Variants in SERPINB8 observed in about 807,000 individuals in gnomAD.
SERPINB8 encodes serpin family B member 8.
A neutral mutation model predicts 35.3 loss-of-function variants in SERPINB8; 25 were observed. The ratio of observed to expected loss-of-function variants is 0.71; its 90% CI spans 0.52 to 0.99. SERPINB8 has a LOEUF of 0.99. SERPINB8 is among the 50% of genes least tolerant of loss of function. SERPINB8 has a pLI of 0.00. For missense variants in SERPINB8, 484 were observed against 446.5 expected, an observed-to-expected ratio of 1.08 and a Z score of -0.76; for synonymous variants, 186 against 160.8, an observed-to-expected ratio of 1.16 and a Z score of -1.19.
chr18:64,007,158 G>T (rs9966132), downstream of SERPINB8, among the ~76,000 whole-genome samples: 29,537 of 151,798 alleles, frequency 0.19, 3,186 homozygotes, highest in Middle Eastern at 0.36. Context: ...TATAGATGCA[G>T]CAGAGATTAC....
At chr18:63,981,675 G>A (rs757101719) in intron 3 of SERPINB8, 46 bp from the exon 4 acceptor site, 2 of 1,319,472 alleles carry the variant, frequency 1.5e-6, no homozygotes, top group South Asian at 1.2e-5. Flanking sequence ...TGCATTTGTG[G>A]GAACCTTTAC....
At chr18:63,990,161 C>T (rs867354612), downstream of SERPINB8, among the ~76,000 whole-genome samples, 12 of 149,614 alleles carry the variant, frequency 8.0e-5, no homozygotes, top group Middle Eastern at 3.5e-3. Context: ...CTGCAACCTC[C>T]GCCTCCTGGG....
intron 1 of SERPINB8, 73 bp from the exon 2 acceptor site, chr18:63,978,226 T>TG: frequency 1.3e-6 from 2 of 1,535,366 alleles, no homozygotes; most frequent in South Asian, 2.3e-5. Context: ...GTCCACTGAC[T>TG]GGGGGATGAA....
chr18:63,977,699 T>G (rs2050604004), intron 1 of SERPINB8, among the ~76,000 whole-genome samples: 1 of 152,182 alleles, frequency 6.6e-6, no homozygotes, highest in African/African-American at 2.4e-5. Flanking sequence ...TCTGTGCCCC[T>G]GTTGCTAAGA....
chr18:63,983,467 CAG>C (rs2050703233), intron 4 of SERPINB8, 110 bp from the exon 5 acceptor site: 1 of 979,848 alleles, frequency 1.0e-6, no homozygotes, highest in African/African-American at 1.6e-5. Context: ...CCCAGAAAGA[CAG>C]AACTCCAGCC....
chr18:64,015,632 G>A (rs938994592), intron 7 of SERPINB8, among the ~76,000 whole-genome samples: 1 of 152,126 alleles, frequency 6.6e-6, no homozygotes, highest in Non-Finnish European at 1.5e-5. Context: ...TTTCAGTTAA[G>A]GGCTTTGATG....
intron 1 of SERPINB8, among the ~76,000 whole-genome samples, chr18:63,977,414 C>A (rs376033320): frequency 2.0e-5 from 3 of 151,964 alleles, no homozygotes; most frequent in African/African-American, 7.3e-5. Flanking sequence ...GCAGCCTCCA[C>A]CTCCTGGGGC....
Position 63,978,463 on chromosome 18 carries a change from C to T in SERPINB8, c.155C>T (p.Ala52Val), listed in dbSNP as rs1402041729. 3 of 1,614,026 alleles carry T rather than the reference C, an allele frequency of 1.9e-6. No homozygotes were observed. In the East Asian group the frequency reaches 6.7e-5, roughly 36 times the overall value. The part of the protein sequence containing the change: ...VFMGAKGSTA[A>V]QMSQALCLYK... ...ATGGGGGCAAAGGGAAGCACTGCAG[C>T]CCAGATGTCCCAGGTATGTGTGCTT... Residue 52 changes from alanine (A) to valine (V), a missense_variant, in exon 2 of 7, where the codon GCC becomes GTC. Coordinates refer to ENST00000397985, the MANE Select transcript of SERPINB8 (RefSeq NM_002640.4).
intron 1 of SERPINB8, among the ~76,000 whole-genome samples, chr18:64,003,758 G>A (rs2050887334): frequency 6.6e-6 from 1 of 152,100 alleles, no homozygotes; most frequent in Non-Finnish European, 1.5e-5. Flanking sequence ...TGTCAGGCAG[G>A]TGAAATTTCC....
At chr18:63,990,358 G>A (rs900873410), downstream of SERPINB8, among the ~76,000 whole-genome samples, 6 of 152,092 alleles carry the variant, frequency 3.9e-5, no homozygotes, top group African/African-American at 1.4e-4. Context: ...TTACAGGTAT[G>A]AGCCACCGCA....
chr18:64,015,056 C>T (rs907470386), intron 7 of SERPINB8, among the ~76,000 whole-genome samples: 5 of 152,196 alleles, frequency 3.3e-5, no homozygotes, highest in Non-Finnish European at 5.9e-5. Flanking sequence ...GCCAGCCCTC[C>T]ATTCTTTTTG....
chr18:64,009,764 C>T (rs982961202), downstream of SERPINB8, among the ~76,000 whole-genome samples: 17 of 152,160 alleles, frequency 1.1e-4, no homozygotes, highest in Non-Finnish European at 2.4e-4. Context: ...TGCCCACAAG[C>T]TTAGCATTCC....
chr18:64,008,763 C>A (rs1325087836), downstream of SERPINB8, among the ~76,000 whole-genome samples: 1 of 152,050 alleles, frequency 6.6e-6, no homozygotes, highest in African/African-American at 2.4e-5. Context: ...TTGAGCATAG[C>A]AGATGCAAAT....
chr18:64,010,225 A>G (rs1172563433), downstream of SERPINB8, among the ~76,000 whole-genome samples: 2 of 152,158 alleles, frequency 1.3e-5, no homozygotes, highest in African/African-American at 4.8e-5. Context: ...TAAAATAGAA[A>G]TTAGAGAACG....
chr18:63,972,120 A>G (rs2050493632), intron 1 of SERPINB8, among the ~76,000 whole-genome samples: 1 of 152,108 alleles, frequency 6.6e-6, no homozygotes, highest in African/African-American at 2.4e-5. Context: ...CAGTTTAATA[A>G]CTGGAATATT....
chr18:63,970,130 AGCGGCGGCG>A lies in SERPINB8; in HGVS notation c.-39_-31del, dbSNP rs113130158. On this transcript the variant is annotated 5_prime_UTR_variant, in exon 1 of 7. Transcript: ENST00000397985. ...ACAAAGGAGGAATAGTCAAAGCAGC[AGCGGCGGCG>A]GCGGCGGCGGCAGCAGCAGCAGCAG... The A allele has an allele frequency of 9.7e-4, 335 of 343,942 alleles. No homozygotes were observed. Among genetic ancestry groups the A allele is most frequent in the Middle Eastern group, 1.7e-3 (3 of 1,780 alleles). 21.3% of individuals were successfully genotyped at this position (343,942 alleles called of 1,614,324 possible).
chr18:63,999,982 C>T (rs937365363), intron 1 of SERPINB8, among the ~76,000 whole-genome samples: 1 of 152,096 alleles, frequency 6.6e-6, no homozygotes, highest in Non-Finnish European at 1.5e-5. Flanking sequence ...ACAACACTAC[C>T]TTAGTTTTGG....
In SERPINB8 at chr18:63,979,848, A is replaced by G. The variant is rs2050643105; in HGVS notation, c.216A>G (p.Ser72=). ...KDGDIHRGFQ[S]LLSEVNRTGT... is the part of the protein sequence containing the mutation. ...GAGATATTCACCGAGGTTTCCAGTC[A>G]CTTCTCAGTGAAGTTAACAGAACTG... is the stretch of plus-strand genomic sequence containing the variant. The change falls in exon 3 of 7, where the codon TCA becomes TCG. Residue 72 remains serine, a synonymous_variant. Coordinates refer to ENST00000397985, the MANE Select transcript of SERPINB8 (RefSeq NM_002640.4). 1 of 1,614,014 alleles carries G rather than the reference A, an allele frequency of 6.2e-7. No individual in the cohort carries two copies. The highest frequency in any genetic ancestry group is 1.3e-5 in the African/African-American group (1 of 74,916).
intron 1 of SERPINB8, among the ~76,000 whole-genome samples, chr18:63,997,735 C>T (rs1362529112): frequency 2.6e-5 from 4 of 152,170 alleles, no homozygotes; most frequent in Non-Finnish European, 5.9e-5. Context: ...GAGCTACTGG[C>T]AAAATTGTGC....
Sources: gnomAD v4.1 joint callset for allele counts (sites outside exome capture counted in the v4.1 genomes callset) on GRCh38, gnomAD v4.1.1 for gene constraint, MANE v1.5 for transcripts, NCBI Gene and HGNC (gene_info 2026-07-23, HGNC 2026-07-21) for gene names.